TMEM177: variants seen among roughly 807,000 people sequenced by gnomAD.
TMEM177 encodes the protein transmembrane protein 177.
A neutral mutation model predicts 14.2 loss-of-function variants in TMEM177; 4 were observed. The observed-to-expected ratio is 0.28, with a 90% confidence interval of 0.14 to 0.64. TMEM177 has a LOEUF of 0.64. Ranked by LOEUF, TMEM177 falls within the 30% of genes least tolerant of loss-of-function variation. TMEM177 has a pLI of 0.82. For synonymous variants in TMEM177, 179 were observed against 174.5 expected, an observed-to-expected ratio of 1.03 and a Z score of -0.20; for missense variants, 344 against 405.2, an observed-to-expected ratio of 0.85 and a Z score of 1.30.
the TMEM177 span, among the ~76,000 whole-genome samples, chr2:119,718,854 G>T: frequency 6.6e-5 from 10 of 152,170 alleles, no homozygotes; most frequent in Non-Finnish European, 1.2e-4. Flanking sequence ...CACCTTCATT[G>T]CTGGGAAAGC....
chr2:119,687,059 A>G (rs1447718653), downstream of TMEM177, among the ~76,000 whole-genome samples: 3 of 152,064 alleles, frequency 2.0e-5, no homozygotes, highest in Non-Finnish European at 4.4e-5. Flanking sequence ...AAACAATAGA[A>G]TACAGATATA....
rs1234733313 is a variant in TMEM177 at position 119,681,195 on chromosome 2, A to G, written c.342A>G (p.Leu114=). ...VGIPASFLGD[L]VINTNHPVVI... ...TCCCTGCCAGTTTCTTGGGAGACCT[A>G]GTGATCAACACTAACCATCCCGTGG... The change falls in exon 2 of 2, where the codon CTA becomes CTG. Residue 114 remains leucine (L), a synonymous_variant. Transcript: ENST00000272521. 1.2e-6 allele frequency: 2 copies of G among 1,614,228 alleles called. No individual in the cohort carries two copies. Among genetic ancestry groups the G allele is most frequent in the Non-Finnish European group, 1.7e-6 (2 of 1,180,040 alleles).
downstream of TMEM177, among the ~76,000 whole-genome samples, chr2:119,684,480 G>T (rs554733799): frequency 1.3e-5 from 2 of 152,296 alleles, no homozygotes; most frequent in Admixed American, 6.5e-5. Context: ...TGTAAAATCT[G>T]CAGTGGCAGG....
the TMEM177 span, among the ~76,000 whole-genome samples, chr2:119,712,284 A>G: frequency 6.6e-6 from 1 of 152,098 alleles, no homozygotes; most frequent in Non-Finnish European, 1.5e-5. Flanking sequence ...CAACAGCAGC[A>G]GAGTATATTT....
At chr2:119,710,832 G>T in the TMEM177 span, among the ~76,000 whole-genome samples, 1 of 151,502 alleles carries the variant, frequency 6.6e-6, no homozygotes, top group Non-Finnish European at 1.5e-5. Flanking sequence ...GGATGGTCTC[G>T]ATCTCCTGAC....
the TMEM177 span, among the ~76,000 whole-genome samples, chr2:119,708,242 A>G: frequency 6.6e-6 from 1 of 152,150 alleles, no homozygotes; most frequent in Non-Finnish European, 1.5e-5. Context: ...AGAAATACCC[A>G]AACACCCATC....
the TMEM177 span, chr2:119,700,097 C>T: frequency 4.4e-3 from 1,105 of 253,616 alleles, 33 homozygotes; most frequent in Admixed American, 0.04. Flanking sequence ...AGGAGGTTGC[C>T]CAGAAGAAAA....
chr2:119,683,278 A>G (rs1688948718), downstream of TMEM177, among the ~76,000 whole-genome samples: 1 of 152,140 alleles, frequency 6.6e-6, no homozygotes, highest in African/African-American at 2.4e-5. Context: ...ATCCTTGCTC[A>G]TTCCCCAGGC....
the TMEM177 span, among the ~76,000 whole-genome samples, chr2:119,716,092 C>G: frequency 6.6e-6 from 1 of 152,210 alleles, no homozygotes; most frequent in African/African-American, 2.4e-5. Context: ...AACACACGAG[C>G]AGATCCATAA....
the TMEM177 span, among the ~76,000 whole-genome samples, chr2:119,717,331 A>G: frequency 6.9e-6 from 1 of 145,274 alleles, no homozygotes; most frequent in Non-Finnish European, 1.5e-5. Flanking sequence ...CTCCATCTGG[A>G]AAAAAAAAAA....
chr2:119,690,758 C>T (rs1357566139), downstream of TMEM177, among the ~76,000 whole-genome samples: 3 of 152,330 alleles, frequency 2.0e-5, no homozygotes, highest in South Asian at 4.1e-4. Flanking sequence ...GCTAGTTAAG[C>T]GCGGACAGCT....
At chr2:119,712,727 C>G in the TMEM177 span, among the ~76,000 whole-genome samples, 2 of 152,202 alleles carry the variant, frequency 1.3e-5, no homozygotes, top group African/African-American at 4.8e-5. Context: ...AGTTGGTCTG[C>G]TTTTTATTAC....
chr2:119,687,085 ACCT>A (rs1226793387), downstream of TMEM177, among the ~76,000 whole-genome samples: 1 of 152,168 alleles, frequency 6.6e-6, no homozygotes, highest in Non-Finnish European at 1.5e-5. Flanking sequence ...AGGGTATATC[ACCT>A]CAGTGATTAG....
the TMEM177 span, among the ~76,000 whole-genome samples, chr2:119,706,851 A>G: frequency 1.3e-5 from 2 of 152,094 alleles, no homozygotes; most frequent in Non-Finnish European, 2.9e-5. Context: ...CCCATGTTTC[A>G]CACAGAAAGA....
the TMEM177 span, among the ~76,000 whole-genome samples, chr2:119,703,718 C>T: frequency 6.6e-6 from 1 of 152,132 alleles, no homozygotes; most frequent in Admixed American, 6.5e-5. Flanking sequence ...ATTCAGCCCA[C>T]AGGAGACACC....
the TMEM177 span, among the ~76,000 whole-genome samples, chr2:119,695,090 C>T: frequency 1.3e-5 from 2 of 152,156 alleles, no homozygotes; most frequent in Non-Finnish European, 2.9e-5. Context: ...AAACAAACAT[C>T]GGGCAATGAT....
chr2:119,682,403 G>A (rs1688930080), downstream of TMEM177, among the ~76,000 whole-genome samples: 1 of 152,146 alleles, frequency 6.6e-6, no homozygotes, highest in Non-Finnish European at 1.5e-5. Flanking sequence ...AATTTAAGTG[G>A]TGGTCAAATC....
At position 119,680,542 on chromosome 2, in the gene TMEM177, G is replaced by A. The variant is rs1688867580; in HGVS notation, c.-22-290G>A. 2.0e-5 allele frequency among the ~76,000 whole-genome samples: 3 copies of A among 152,288 alleles called. No individual in the cohort carries two copies. The South Asian group carries it at 6.2e-4, about 32-fold the overall frequency. ...AAAGTCATTACAGCCATTATTATAA[G>A]GAATATCTGCTGCTGTGCCAGACAC... On this transcript the variant is annotated intron_variant, in intron 1 of 1. Coordinates refer to ENST00000272521, the MANE Select transcript of TMEM177 (RefSeq NM_030577.3).
downstream of TMEM177, among the ~76,000 whole-genome samples, chr2:119,683,979 C>G (rs1323644724): frequency 1.3e-5 from 2 of 149,206 alleles, no homozygotes; most frequent in African/African-American, 4.9e-5. Context: ...TAGCTCTCGG[C>G]TCCATCCCCT....
Sources: allele counts gnomAD v4.1 joint callset (sites outside exome capture counted in the v4.1 genomes callset), GRCh38; gene constraint gnomAD v4.1.1; transcripts MANE v1.5; gene names NCBI Gene and HGNC (gene_info 2026-07-23, HGNC 2026-07-21).